Variants in CAST observed in about 807,000 individuals in gnomAD.
CAST encodes MIR583 host.
CAST carries 76 observed loss-of-function variants against 119.6 expected under a neutral mutation model. The ratio of observed to expected loss-of-function variants is 0.64; its 90% CI spans 0.53 to 0.77. CAST has a LOEUF of 0.77. Ranked by LOEUF, CAST falls within the 30% of genes least tolerant of loss-of-function variation. CAST has a pLI of 0.00. For synonymous variants in CAST, 319 were observed against 331.6 expected (o/e 0.96, Z 0.41); for missense variants, 953 against 946.5 (o/e 1.01, Z -0.09).
intron 2 of CAST, among the ~76,000 whole-genome samples, chr5:96,681,021 C>T (rs1013327597): frequency 5.3e-5 from 8 of 152,240 alleles, no homozygotes; most frequent in East Asian, 1.9e-4. Flanking sequence ...GCACTGGGTG[C>T]GACTTGGGAG....
At chr5:96,757,733 C>CT in intron 24 of CAST, 79 bp downstream of exon 24, 1 of 962,188 alleles carries the variant, frequency 1.0e-6, no homozygotes, top group African/African-American at 1.7e-5. Flanking sequence ...CTCTGTCATC[C>CT]AGGCGGGAGT....
chr5:96,036,161 A>AT, the CAST span, among the ~76,000 whole-genome samples: 111,244 of 149,724 alleles, frequency 0.74, 41,844 homozygotes, highest in African/African-American at 0.87. Context: ...CTATCAATGC[A>AT]TTTTTTTTTG....
At chr5:95,988,956 CT>C in the CAST span, among the ~76,000 whole-genome samples, 1 of 152,150 alleles carries the variant, frequency 6.6e-6, no homozygotes, top group South Asian at 2.1e-4. Flanking sequence ...AAACGTAATG[CT>C]CTTGTTTCTT....
intron 3 of CAST, among the ~76,000 whole-genome samples, chr5:96,704,994 T>C (rs1268559263): frequency 6.6e-6 from 1 of 152,186 alleles, no homozygotes; most frequent in Non-Finnish European, 1.5e-5. Flanking sequence ...TTTGGTTGGG[T>C]ACTACATCCA....
the CAST span, among the ~76,000 whole-genome samples, chr5:96,167,197 G>A: frequency 3.3e-5 from 5 of 152,186 alleles, no homozygotes; most frequent in Non-Finnish European, 7.3e-5. Context: ...AGCCCTGCCA[G>A]CAAAGATTAT....
At chr5:96,306,723 G>A in the CAST span, among the ~76,000 whole-genome samples, 1 of 152,134 alleles carries the variant, frequency 6.6e-6, no homozygotes, top group Non-Finnish European at 1.5e-5. Context: ...AGTCATTCAA[G>A]AGCAGGTTGT....
intron 20 of CAST, among the ~76,000 whole-genome samples, chr5:96,752,111 G>A (rs922064404): frequency 2.6e-5 from 4 of 152,184 alleles, no homozygotes; most frequent in Non-Finnish European, 5.9e-5. Flanking sequence ...AGATGAATGC[G>A]TTCCCTAGGT....
the CAST span, among the ~76,000 whole-genome samples, chr5:96,103,110 TA>T: frequency 1.3e-5 from 2 of 152,180 alleles, no homozygotes; most frequent in African/African-American, 2.4e-5. Context: ...TGTTTTTTAA[TA>T]AAAAATATTT....
the CAST span, among the ~76,000 whole-genome samples, chr5:96,034,585 A>G: frequency 1.3e-5 from 2 of 151,210 alleles, no homozygotes; most frequent in African/African-American, 4.9e-5. Context: ...TCTAACTCAC[A>G]TATGCATTAC....
At chr5:96,332,659 G>A in the CAST span, among the ~76,000 whole-genome samples, 2 of 152,222 alleles carry the variant, frequency 1.3e-5, no homozygotes, top group Admixed American at 1.3e-4. Flanking sequence ...TGACATGATG[G>A]GGTAGTTTTA....
chr5:96,143,420 T>C, the CAST span, among the ~76,000 whole-genome samples: 2 of 152,176 alleles, frequency 1.3e-5, no homozygotes, highest in Non-Finnish European at 2.9e-5. Flanking sequence ...CCCCATCTAA[T>C]CCCCTGACCC....
At chr5:96,734,737 C>A (rs1254746688) in intron 9 of CAST, among the ~76,000 whole-genome samples, 2 of 152,064 alleles carry the variant, frequency 1.3e-5, no homozygotes, top group Non-Finnish European at 2.9e-5. Flanking sequence ...GCAGTCCAGT[C>A]CCTAAGTTCC....
At chr5:96,242,785 A>G in the CAST span, among the ~76,000 whole-genome samples, 2 of 152,206 alleles carry the variant, frequency 1.3e-5, no homozygotes, top group South Asian at 4.1e-4. Context: ...TCACATTTCC[A>G]GTTTTTAACA....
At chr5:96,709,474 T>C (rs2150351114) in intron 3 of CAST, among the ~76,000 whole-genome samples, 1 of 152,328 alleles carries the variant, frequency 6.6e-6, no homozygotes, top group South Asian at 2.1e-4. Context: ...AGCTTACCTA[T>C]CTATTTTATT....
chr5:96,613,623 C>A (rs1412188346), intron 1 of CAST, among the ~76,000 whole-genome samples: 1 of 152,060 alleles, frequency 6.6e-6, no homozygotes, highest in African/African-American at 2.4e-5. Context: ...TGTTCTTAAC[C>A]TCCAATCCAT....
At chr5:96,749,401 A>G (rs1764469075) in intron 19 of CAST, among the ~76,000 whole-genome samples, 1 of 152,218 alleles carries the variant, frequency 6.6e-6, no homozygotes, top group Non-Finnish European at 1.5e-5. Flanking sequence ...CCAAGTTTAA[A>G]TGGGTAGTAA....
At chr5:96,733,349 A>G (rs1348516881) in intron 9 of CAST, among the ~76,000 whole-genome samples, 5 of 152,248 alleles carry the variant, frequency 3.3e-5, no homozygotes, top group Non-Finnish European at 5.9e-5. Context: ...AATGTAATCA[A>G]TGTTTTCAGT....
chr5:96,228,470 A>G, the CAST span, among the ~76,000 whole-genome samples: 2 of 152,146 alleles, frequency 1.3e-5, no homozygotes, highest in Admixed American at 1.3e-4. Context: ...TTCTATCACC[A>G]GATTTGTCTC....
At chr5:96,702,881 A>G in intron 3 of CAST, 2 of 985,488 alleles carry the variant, frequency 2.0e-6, no homozygotes, top group Non-Finnish European at 2.4e-6. Flanking sequence ...CCTGAAAACC[A>G]AGCCGAGGAC....
Sources: gnomAD v4.1 joint callset for allele counts (sites outside exome capture counted in the v4.1 genomes callset) on GRCh38, gnomAD v4.1.1 for gene constraint, MANE v1.5 for transcripts, NCBI Gene and HGNC (gene_info 2026-07-23, HGNC 2026-07-21) for gene names.